The following UST variants were observed in gnomAD, a reference collection of about 807,000 sequenced individuals.
UST encodes the protein chondroitin sulfate 2-O-sulfotransferase.
In UST, 21 loss-of-function variants were observed where a neutral mutation model predicts 45.6. That is an observed-to-expected ratio of 0.46 (90% CI 0.33 to 0.66). The LOEUF (loss-of-function observed/expected upper bound fraction) is 0.66, where lower values mean the gene tolerates loss of function less well. Among genes scored for constraint, UST ranks in the 30% least tolerant of loss-of-function variants. The probability of loss-of-function intolerance (pLI) is 0.02; values close to 1 mark genes in which losing one functional copy is unlikely to be tolerated. For missense variants in UST, 463 were observed against 512.4 expected (o/e 0.90, Z 0.93); for synonymous variants, 215 against 200.6 (o/e 1.07, Z -0.61).
intron 1 of UST, among the ~76,000 whole-genome samples, chr6:148,760,658 A>G (rs1776198112): frequency 6.6e-6 from 1 of 152,128 alleles, no homozygotes; most frequent in African/African-American, 2.4e-5. Flanking sequence ...AAAGAAAAAA[A>G]AAACTATATT....
At chr6:149,047,453 C>T (rs1486951923) in intron 7 of UST, among the ~76,000 whole-genome samples, 1 of 152,152 alleles carries the variant, frequency 6.6e-6, no homozygotes, top group Non-Finnish European at 1.5e-5. Context: ...TAGTCAGAGT[C>T]AAGGAAACAC....
intron 7 of UST, among the ~76,000 whole-genome samples, chr6:149,022,385 A>T (rs901788386): frequency 3.9e-5 from 6 of 152,114 alleles, no homozygotes; most frequent in Non-Finnish European, 8.8e-5. Context: ...GGATCACCTG[A>T]CGTCAGGAGT....
chr6:148,914,271 C>A (rs540420568), intron 2 of UST, among the ~76,000 whole-genome samples: 4 of 152,084 alleles, frequency 2.6e-5, no homozygotes, highest in Non-Finnish European at 5.9e-5. Context: ...TTCATACTCT[C>A]ATACGAGAGT....
At chr6:148,770,232 A>G (rs1776397230) in intron 1 of UST, among the ~76,000 whole-genome samples, 1 of 151,780 alleles carries the variant, frequency 6.6e-6, no homozygotes, top group African/African-American at 2.4e-5. Flanking sequence ...TGGGGAGCAC[A>G]GAGGAGAAGA....
At chr6:148,824,208 AT>A (rs1777524502) in intron 1 of UST, among the ~76,000 whole-genome samples, 1 of 152,210 alleles carries the variant, frequency 6.6e-6, no homozygotes, top group Admixed American at 6.5e-5. Context: ...TTGAAGAAGC[AT>A]GCTCAGATGG....
At chr6:148,913,404 C>G (rs1267948145) in intron 2 of UST, among the ~76,000 whole-genome samples, 1 of 129,074 alleles carries the variant, frequency 7.7e-6, no homozygotes, top group African/African-American at 2.9e-5. Flanking sequence ...TTCTACAGTC[C>G]GTATTTGGGA....
intron 5 of UST, among the ~76,000 whole-genome samples, chr6:148,977,267 A>T (rs1441093531): frequency 6.6e-6 from 1 of 151,672 alleles, no homozygotes; most frequent in Non-Finnish European, 1.5e-5. Context: ...CACTGTTGTA[A>T]CCTATTGTAT....
intron 1 of UST, among the ~76,000 whole-genome samples, chr6:148,822,828 A>G (rs1379630821): frequency 6.6e-6 from 1 of 152,262 alleles, no homozygotes; most frequent in Non-Finnish European, 1.5e-5. Context: ...AACTATATAT[A>G]TTATGGATAG....
intron 2 of UST, among the ~76,000 whole-genome samples, chr6:148,912,735 G>A (rs1779500181): frequency 6.6e-6 from 1 of 152,198 alleles, no homozygotes; most frequent in Non-Finnish European, 1.5e-5. Flanking sequence ...GTGATGAAAC[G>A]CCCTCTGATG....
intron 2 of UST, among the ~76,000 whole-genome samples, chr6:148,930,186 C>T (rs1028573778): frequency 3.3e-5 from 5 of 152,162 alleles, no homozygotes; most frequent in African/African-American, 4.8e-5. Flanking sequence ...TCTAGTGGGG[C>T]GCTTACCACA....
chr6:148,955,718 C>T (rs1780480407), intron 4 of UST: 1 of 152,248 alleles, frequency 6.6e-6, no homozygotes, highest in South Asian at 2.1e-4. Flanking sequence ...TTCCCTGATC[C>T]TTGCTGTTCT....
At chr6:148,965,096 TC>T (rs1056158304) in intron 5 of UST, among the ~76,000 whole-genome samples, 4 of 152,134 alleles carry the variant, frequency 2.6e-5, no homozygotes, top group African/African-American at 7.2e-5. Context: ...CTGGGTTCTT[TC>T]CACCACAGCG....
chr6:148,980,758 G>A (rs1781115626), intron 5 of UST, among the ~76,000 whole-genome samples: 1 of 151,816 alleles, frequency 6.6e-6, no homozygotes, highest in Non-Finnish European at 1.5e-5. Flanking sequence ...TTCCTCTGTT[G>A]CCTAGGTTGG....
chr6:149,046,013 A>T (rs1468724467), intron 7 of UST, among the ~76,000 whole-genome samples: 1 of 152,198 alleles, frequency 6.6e-6, no homozygotes, highest in Non-Finnish European at 1.5e-5. Flanking sequence ...CAGGCATGTG[A>T]CTGTCAACAA....
intron 2 of UST, among the ~76,000 whole-genome samples, chr6:148,927,173 A>C (rs1779831851): frequency 6.6e-6 from 1 of 151,976 alleles, no homozygotes; most frequent in African/African-American, 2.4e-5. Flanking sequence ...AGAGAGTGAG[A>C]AAGAGAGAGA....
At chr6:149,011,731 G>T (rs918593919) in intron 5 of UST, among the ~76,000 whole-genome samples, 1 of 152,148 alleles carries the variant, frequency 6.6e-6, no homozygotes, top group Non-Finnish European at 1.5e-5. Flanking sequence ...AGAATTGCTT[G>T]AACCTGGGAG....
intron 1 of UST, among the ~76,000 whole-genome samples, chr6:148,862,049 C>A (rs531091404): frequency 2.6e-5 from 4 of 152,244 alleles, no homozygotes; most frequent in South Asian, 4.2e-4. Flanking sequence ...TCCTGGATAT[C>A]CCTATTAACT....
chr6:148,875,753 G>A (rs1284161431), intron 1 of UST, among the ~76,000 whole-genome samples: 3 of 152,210 alleles, frequency 2.0e-5, no homozygotes, highest in African/African-American at 7.2e-5. Flanking sequence ...GCAGTCAGCC[G>A]AGATCGCACC....
At chr6:148,983,780 T>C (rs1327376361) in intron 5 of UST, among the ~76,000 whole-genome samples, 1 of 152,208 alleles carries the variant, frequency 6.6e-6, no homozygotes, top group Admixed American at 6.5e-5. Context: ...CAATGTGTTG[T>C]TCACCAATCT....
Sources: allele counts gnomAD v4.1 joint callset (sites outside exome capture counted in the v4.1 genomes callset), GRCh38; gene constraint gnomAD v4.1.1; transcripts MANE v1.5; gene names NCBI Gene and HGNC (gene_info 2026-07-23, HGNC 2026-07-21).